Variants in CNTN3 observed in about 807,000 individuals in gnomAD.
The protein encoded by CNTN3 is contactin-3.
Under a neutral mutation model 119.1 loss-of-function variants are expected in CNTN3, and 60 were observed. The observed-to-expected ratio is 0.50, with a 90% confidence interval of 0.41 to 0.62. The LOEUF is 0.62. CNTN3 is among the 20% of genes least tolerant of loss of function. The pLI is 0.00. For missense variants in CNTN3, 1,101 were observed against 1,242.4 expected (o/e 0.89, Z 1.71); for synonymous variants, 450 against 438.7 (o/e 1.03, Z -0.32).
At chr3:74,581,594 AG>A (rs1290565903) in intron 1 of CNTN3, among the ~76,000 whole-genome samples, 1 of 152,226 alleles carries the variant, frequency 6.6e-6, no homozygotes, top group Non-Finnish European at 1.5e-5. Flanking sequence ...AACTCCCAAT[AG>A]GTCCTTTGAA....
intron 1 of CNTN3, among the ~76,000 whole-genome samples, chr3:74,540,265 G>A (rs1440278673): frequency 6.6e-6 from 1 of 152,126 alleles, no homozygotes; most frequent in Non-Finnish European, 1.5e-5. Context: ...GTGGAGAAGT[G>A]TGAATAGGTG....
intron 11 of CNTN3, among the ~76,000 whole-genome samples, chr3:74,353,938 C>G (rs1703875040): frequency 6.6e-6 from 1 of 152,020 alleles, no homozygotes; most frequent in African/African-American, 2.4e-5. Flanking sequence ...GTGTCCCTGA[C>G]AGTCAACCTC....
chr3:74,273,325 C>T (rs529941715), intron 20 of CNTN3, among the ~76,000 whole-genome samples: 17 of 152,284 alleles, frequency 1.1e-4, no homozygotes, highest in African/African-American at 2.4e-4. Flanking sequence ...ACTGCAGCTC[C>T]GACTCGGATG....
intron 1 of CNTN3, among the ~76,000 whole-genome samples, chr3:74,533,151 T>C (rs1336717223): frequency 6.6e-6 from 1 of 152,044 alleles, no homozygotes; most frequent in Admixed American, 6.6e-5. Context: ...ATGTCCTATG[T>C]GCCTGTGGTT....
intron 1 of CNTN3, among the ~76,000 whole-genome samples, chr3:74,596,950 T>C (rs1039762652): frequency 2.6e-5 from 4 of 152,108 alleles, no homozygotes; most frequent in African/African-American, 9.7e-5. Context: ...TCCCGTTACC[T>C]TCCAGTGAAG....
intron 1 of CNTN3, among the ~76,000 whole-genome samples, chr3:74,568,579 C>T (rs989397862): frequency 2.2e-4 from 34 of 152,144 alleles, no homozygotes; most frequent in African/African-American, 7.5e-4. Context: ...CAGAGTAACA[C>T]GGAGGAGACA....
At chr3:74,531,815 G>C (rs1266305493) in intron 1 of CNTN3, among the ~76,000 whole-genome samples, 1 of 151,922 alleles carries the variant, frequency 6.6e-6, no homozygotes, top group East Asian at 2.0e-4. Flanking sequence ...TAGATGTCCT[G>C]GGGCTGGGAG....
intron 19 of CNTN3, among the ~76,000 whole-genome samples, chr3:74,287,802 A>C (rs1452387255): frequency 2.0e-5 from 3 of 152,202 alleles, no homozygotes; most frequent in Non-Finnish European, 4.4e-5. Flanking sequence ...CCCAATGCTG[A>C]GCCACCATTT....
At chr3:74,397,572 TA>T (rs1270959942) in intron 5 of CNTN3, among the ~76,000 whole-genome samples, 1 of 152,014 alleles carries the variant, frequency 6.6e-6, no homozygotes, top group Non-Finnish European at 1.5e-5. Flanking sequence ...AGGCAAATAA[TA>T]TTGAAAATAG....
chr3:74,446,986 A>T (rs539606353), intron 4 of CNTN3, among the ~76,000 whole-genome samples: 197 of 152,288 alleles, frequency 1.3e-3, no homozygotes, highest in African/African-American at 4.5e-3. Flanking sequence ...AGTTTCAAAG[A>T]CGTTTTTCTT....
chr3:74,273,825 A>G (rs1438927886), intron 20 of CNTN3, among the ~76,000 whole-genome samples: 1 of 152,130 alleles, frequency 6.6e-6, no homozygotes, highest in Admixed American at 6.5e-5. Context: ...AACCTGGGGG[A>G]GAGAGTGAAT....
At position 74,264,352 on chromosome 3, in the gene CNTN3, T is replaced by C. The variant is rs377663774; in HGVS notation, c.*49A>G. On this transcript the variant is annotated 3_prime_UTR_variant, in exon 23 of 23. Coordinates refer to ENST00000263665, the MANE Select transcript of CNTN3 (RefSeq NM_020872.3). ...ATCACTGCATTTCATGAAAGCACTT[T>C]TTTTGGTAACCAAATAACTTTCCAA... 1 of 1,121,656 alleles carries C rather than the reference T, an allele frequency of 8.9e-7. No homozygotes were observed. The highest frequency in any genetic ancestry group is 1.2e-6 in the Non-Finnish European group (1 of 820,754). 69.5% of individuals were successfully genotyped at this position (1,121,656 alleles called of 1,614,324 possible). A position where few individuals can be genotyped will look rare whatever the true frequency, so the allele number is the denominator to read the frequency against.
chr3:74,512,580 A>G (rs994000730), intron 2 of CNTN3, among the ~76,000 whole-genome samples: 1 of 151,790 alleles, frequency 6.6e-6, no homozygotes, highest in Admixed American at 6.6e-5. Context: ...CAAAAACCCC[A>G]TGAGGCAGAA....
chr3:74,541,560 T>C (rs1486496574), intron 1 of CNTN3, among the ~76,000 whole-genome samples: 1 of 152,096 alleles, frequency 6.6e-6, no homozygotes, highest in Non-Finnish European at 1.5e-5. Flanking sequence ...CATGAATACA[T>C]AGTAAAACTA....
At chr3:74,577,401 C>T (rs1398432340) in intron 1 of CNTN3, among the ~76,000 whole-genome samples, 3 of 152,126 alleles carry the variant, frequency 2.0e-5, no homozygotes. Flanking sequence ...CCCAGCATTA[C>T]TTATTCTATT....
rs575845990 is a variant in CNTN3, at chr3:74,431,881, T to C, written c.359-6941A>G. ...ACAGCATGAAGAGCGAATGAAATCA[T>C]TGTCATTGAAAACTGGATGTGAGCC... On this transcript the variant is annotated intron_variant, in intron 4 of 22. Coordinates refer to ENST00000263665, the MANE Select transcript of CNTN3 (RefSeq NM_020872.3). Among the ~76,000 whole-genome samples, 334 of 152,280 alleles carry C rather than the reference T, an allele frequency of 2.2e-3. 2 individuals carry two copies. The highest frequency in any genetic ancestry group is 4.4e-3 in the African/African-American group (183 of 41,578).
rs1701629804 is a variant in CNTN3 at position 74,264,434 on chromosome 3, T to G, written c.3054A>C (p.Ile1018=). Residue 1018 remains isoleucine (I), a synonymous_variant, in exon 23 of 23, where the codon ATA becomes ATC. Transcript: ENST00000263665. ...GGACATATACAATTAAGAACAGTAC[T>G]ATAGGCATATAACTTGACATAGGGT... ...NVHPMSSYMP[I]VLFLIVYVLW 1 of 1,610,084 alleles carries G rather than the reference T, an allele frequency of 6.2e-7. No homozygotes were observed. The highest frequency in any genetic ancestry group is 8.5e-7 in the Non-Finnish European group (1 of 1,176,850).
intron 5 of CNTN3, among the ~76,000 whole-genome samples, chr3:74,374,318 CT>C (rs1335605465): frequency 4.0e-5 from 6 of 150,904 alleles, no homozygotes; most frequent in African/African-American, 1.5e-4. Context: ...TCTCCAGTTT[CT>C]TTTTATAAGT....
At chr3:74,609,616 T>G (rs1220571153) in intron 1 of CNTN3, among the ~76,000 whole-genome samples, 4 of 152,122 alleles carry the variant, frequency 2.6e-5, no homozygotes, top group African/African-American at 9.7e-5. Flanking sequence ...GTCCAAGAGA[T>G]GTACGAGATC....
Sources: gnomAD v4.1 joint callset for allele counts (sites outside exome capture counted in the v4.1 genomes callset) on GRCh38, gnomAD v4.1.1 for gene constraint, MANE v1.5 for transcripts, NCBI Gene and HGNC (gene_info 2026-07-23, HGNC 2026-07-21) for gene names.